SPTA1: variants seen among roughly 807,000 people sequenced by gnomAD.
SPTA1 encodes spectrin alpha, erythrocytic 1.
A neutral mutation model predicts 324.7 loss-of-function variants in SPTA1; 177 were observed. That is an observed-to-expected ratio of 0.55 (90% confidence interval 0.48 to 0.62). The LOEUF (loss-of-function observed/expected upper bound fraction) is 0.62. Among genes scored for constraint, SPTA1 ranks in the 20% least tolerant of loss-of-function variants. The pLI is 0.00. For missense variants in SPTA1, 3,162 were observed against 2,883.6 expected, an observed-to-expected ratio of 1.10 and a Z score of -2.21; for synonymous variants, 1,195 against 1,041.3, an observed-to-expected ratio of 1.15 and a Z score of -2.84.
chr1:158,673,899 C>A (rs73020263), intron 10 of SPTA1, among the ~76,000 whole-genome samples: 3,412 of 152,282 alleles, frequency 0.022, 119 homozygotes, highest in African/African-American at 0.077. Context: ...GTAGATTTAA[C>A]CAACCATGGG....
intron 22 of SPTA1, 55 bp downstream of exon 22, chr1:158,653,219 T>C: frequency 6.2e-7 from 1 of 1,613,352 alleles, no homozygotes; most frequent in Non-Finnish European, 8.5e-7. Context: ...AGAAATGCCT[T>C]TGGCGAAAAA....
intron 42 of SPTA1, 130 bp from the exon 43 acceptor site, chr1:158,623,322 T>C (rs1650043819): frequency 2.4e-6 from 2 of 850,982 alleles, no homozygotes; most frequent in South Asian, 2.7e-5. Context: ...AAAAAGGAAA[T>C]ATAACTTAGA....
rs1478000749 is a variant in SPTA1, at chr1:158,656,639, A to T, written c.2823T>A (p.His941Gln). The change falls in exon 20 of 52, where the codon CAT becomes CAA. Residue 941 changes from histidine (H) to glutamine (Q), a missense_variant. Physicochemically the swap from His to Gln is conservative, Grantham distance 24. Transcript: ENST00000643759. ...EEAAGALLKK[H>Q]EAFLLDLNSF... ...AATTGAGATCTAATAGAAAGGCCTC[A>T]TGCTTCTTTAGAAGAGCCTGCATTT... 5 of 1,613,580 alleles carry T rather than the reference A, an allele frequency of 3.1e-6. No homozygotes were observed. Among genetic ancestry groups the T allele is most frequent in the Non-Finnish European group, 4.2e-6 (5 of 1,179,854 alleles).
chr1:158,641,156 A>T (rs893175389), intron 33 of SPTA1, among the ~76,000 whole-genome samples: 2 of 152,240 alleles, frequency 1.3e-5, no homozygotes, highest in African/African-American at 4.8e-5. Context: ...ACAAAAATTA[A>T]TTCAAGATGG....
chr1:158,648,011 T>G (rs911966328), intron 26 of SPTA1, among the ~76,000 whole-genome samples: 1 of 152,154 alleles, frequency 6.6e-6, no homozygotes, highest in Non-Finnish European at 1.5e-5. Context: ...GGGTCTTGAT[T>G]CTTCATGTGA....
intron 21 of SPTA1, among the ~76,000 whole-genome samples, chr1:158,654,071 A>C (rs1318487969): frequency 6.6e-6 from 1 of 152,198 alleles, no homozygotes; most frequent in East Asian, 1.9e-4. Flanking sequence ...CTTCTTAAGA[A>C]TTTTTGTAGA....
At chr1:158,632,129 T>C (rs762384962) in intron 39 of SPTA1, among the ~76,000 whole-genome samples, 5 of 152,158 alleles carry the variant, frequency 3.3e-5, no homozygotes, top group Non-Finnish European at 7.4e-5. Flanking sequence ...AATAAGAAAG[T>C]TATGCAACAT....
In SPTA1 at chr1:158,652,473, G is replaced by T; in HGVS notation, c.3369C>A (p.Phe1123Leu). ...VWELQKKFDE[F>L]QKDLNTNEPR... ...GAAGGTTCCTCTTTCTCACCTTTTG[G>T]AACTCATCAAACTTTTTCTGCAGCT... is the stretch of plus-strand genomic sequence containing the variant. The change falls in exon 23 of 52, where the codon TTC becomes TTA. Residue 1123 changes from phenylalanine (F) to leucine (L), a missense_variant. Transcript: ENST00000643759. The T allele has an allele frequency of 1.9e-6, 3 of 1,614,068 alleles. No homozygotes were observed. Among genetic ancestry groups the T allele is most frequent in the Non-Finnish European group, 2.5e-6 (3 of 1,180,010 alleles).
chr1:158,662,412 G>A lies in SPTA1; in HGVS notation c.2464+290C>T, dbSNP rs368062441. Among the ~76,000 whole-genome samples, 10 of 152,278 alleles carry A rather than the reference G, an allele frequency of 6.6e-5. No homozygotes were observed. In the South Asian group the frequency reaches 1.9e-3, roughly 28 times the overall value. Reference sequence around the variant, plus strand: ...ACTTAGTATCTCAGGCATTAACCATGACTGTTCAAAGACCTTCACAGTTTT... The same window carrying A: ...ACTTAGTATCTCAGGCATTAACCATAACTGTTCAAAGACCTTCACAGTTTT... On this transcript the variant is annotated intron_variant, in intron 17 of 51. Transcript: ENST00000643759.
chr1:158,643,491 C>G, intron 30 of SPTA1, 66 bp from the exon 31 acceptor site: 1 of 1,444,974 alleles, frequency 6.9e-7, no homozygotes, highest in African/African-American at 1.4e-5. Flanking sequence ...ATCCCAGACT[C>G]CCTCCTAGAA....
chr1:158,681,643 G>A lies in SPTA1; in HGVS notation c.415C>T (p.Leu139=). The A allele has an allele frequency of 6.2e-7, 1 of 1,613,720 alleles. No individual in the cohort carries two copies. Among genetic ancestry groups the A allele is most frequent in the East Asian group, 2.2e-5 (1 of 44,860 alleles). Residue 139 remains leucine (L), a synonymous_variant, in exon 4 of 52, where the codon CTG becomes TTG. Transcript: ENST00000643759. The stretch of plus-strand genomic sequence containing the variant: ...GTCAGCTCTAACAGCAGGTCCCACA[G>A]GTGGCGTAGCTCCTCTATATGGGCC... ...TKAHIEELRH[L]WDLLLELTLE...
At position 158,652,666 on chromosome 1, in the gene SPTA1, T is replaced by C. The variant is rs776423390; in HGVS notation, c.3189-13A>G. ...GAGGGAGCGGTATCTGGATGGAGAA[T>C]TGGGAAAAGTGGAATAAAAGAAGGA... On this transcript the variant is annotated splice_polypyrimidine_tract_variant and intron_variant, in intron 22 of 51. Transcript: ENST00000643759. 6 of 1,613,678 alleles carry C rather than the reference T, an allele frequency of 3.7e-6. No individual in the cohort carries two copies. The Admixed American group carries it at 1.0e-4, about 27-fold the overall frequency.
intron 48 of SPTA1, 158 bp downstream of exon 48, chr1:158,615,058 A>G: frequency 5.2e-6 from 4 of 771,468 alleles, no homozygotes; most frequent in African/African-American, 1.7e-5. Flanking sequence ...ATTTCAGTAT[A>G]AAGAGAAATA....
intron 22 of SPTA1, 103 bp downstream of exon 22, chr1:158,653,171 T>C (rs1360463237): frequency 4.0e-6 from 6 of 1,511,312 alleles, no homozygotes; most frequent in Admixed American, 1.7e-5. Context: ...TCAGATTTTC[T>C]GTGGCATCTC....
At chr1:158,632,760 T>C (rs777850099) in intron 39 of SPTA1, among the ~76,000 whole-genome samples, 5 of 58,448 alleles carry the variant, frequency 8.6e-5, no homozygotes, top group Non-Finnish European at 1.0e-4. Flanking sequence ...GGAATTTGGC[T>C]TTTTTTTTTT....
chr1:158,635,863 C>T (rs767486231), intron 38 of SPTA1, 50 bp downstream of exon 38: 5 of 1,613,734 alleles, frequency 3.1e-6, no homozygotes, highest in Non-Finnish European at 8.5e-7. Context: ...CAACACCTGC[C>T]CAATATCCAA....
intron 16 of SPTA1, among the ~76,000 whole-genome samples, chr1:158,663,589 A>G (rs573887521): frequency 1.3e-5 from 2 of 152,332 alleles, no homozygotes; most frequent in African/African-American, 4.8e-5. Context: ...AATAGATACA[A>G]TAGGTACACT....
At chr1:158,633,548 C>T (rs1039749634) in intron 39 of SPTA1, among the ~76,000 whole-genome samples, 2 of 151,150 alleles carry the variant, frequency 1.3e-5, no homozygotes, top group African/African-American at 4.9e-5. Flanking sequence ...GTAGTCCCAG[C>T]TACTCGGGAG....
intron 47 of SPTA1, among the ~76,000 whole-genome samples, chr1:158,616,656 C>A (rs560985806): frequency 6.6e-6 from 1 of 152,256 alleles, no homozygotes; most frequent in South Asian, 2.1e-4. Context: ...CATTGATGAG[C>A]AGTTAGGTTG....
Sources: allele counts gnomAD v4.1 joint callset (sites outside exome capture counted in the v4.1 genomes callset), GRCh38; gene constraint gnomAD v4.1.1; transcripts MANE v1.5; gene names NCBI Gene and HGNC (gene_info 2026-07-23, HGNC 2026-07-21).